The following ATP5F1D variants were observed in gnomAD, a reference collection of about 807,000 sequenced individuals.
The protein encoded by ATP5F1D is ATP synthase F(1) complex subunit delta, mitochondrial.
In ATP5F1D, 16 loss-of-function variants were observed where a neutral mutation model predicts 13.0. The ratio of observed to expected loss-of-function variants is 1.23; its 90% CI spans 0.83 to 1.87. The LOEUF is 1.87. ATP5F1D is among the 40% of genes most tolerant of loss of function. The pLI is 0.00. For missense variants in ATP5F1D, 294 were observed against 246.2 expected, an observed-to-expected ratio of 1.19 and a Z score of -1.30; for synonymous variants, 129 against 116.2, an observed-to-expected ratio of 1.11 and a Z score of -0.71.
chr19:1,244,382 C>A lies in ATP5F1D; in HGVS notation c.452C>A (p.Ala151Glu), dbSNP rs200485963. 2 of 1,575,776 alleles carry A rather than the reference C, an allele frequency of 1.3e-6. No homozygotes were observed. The highest frequency in any genetic ancestry group is 1.7e-6 in the Non-Finnish European group (2 of 1,160,872). The part of the protein sequence containing the change: ...LVGTADEATR[A>E]EIQIRIEANE... ...GGGACAGCTGACGAGGCCACGCGGG[C>A]AGAGATCCAGATCCGAATCGAGGCC... is the stretch of plus-strand genomic sequence containing the variant. Residue 151 changes from alanine to glutamate, a missense_variant, in exon 4 of 4, where the codon GCA (alanine) becomes GAA (glutamate). By Grantham distance (107) the Ala-to-Glu change is moderately radical. Transcript: ENST00000215375.
chr19:1,244,156 G>T lies in ATP5F1D; in HGVS notation c.355G>T (p.Ala119Ser), dbSNP rs200123308. Residue 119 changes from alanine to serine, a missense_variant, in exon 3 of 4, where the codon GCC becomes TCC. By Grantham distance (99) the Ala-to-Ser change is moderately conservative. Transcript: ENST00000215375. Reference sequence around the variant, plus strand: ...TTCGGTGCAGTTGTTGGCCGAAGAGGCCGTGACGCTGGACATGTTGGACCT... The same window carrying T: ...TTCGGTGCAGTTGTTGGCCGAAGAGTCCGTGACGCTGGACATGTTGGACCT... ...DSSVQLLAEEAVTLDMLDLGA... is the reference protein window; with the variant it reads ...DSSVQLLAEESVTLDMLDLGA... The T allele has an allele frequency of 6.2e-7, 1 of 1,612,406 alleles. No individual in the cohort carries two copies. Among genetic ancestry groups the T allele is most frequent in the Non-Finnish European group, 8.5e-7 (1 of 1,179,416 alleles).
chr19:1,244,041 C>T, intron 2 of ATP5F1D, 56 bp from the exon 3 acceptor site: 1 of 1,540,182 alleles, frequency 6.5e-7, no homozygotes, highest in Non-Finnish European at 8.8e-7. Flanking sequence ...AGGGGAGTCC[C>T]TGAGGCTGTG....
chr19:1,244,115 C>G lies in ATP5F1D; in HGVS notation c.314C>G (p.Ala105Gly). The G allele has an allele frequency of 6.2e-7, 1 of 1,611,546 alleles. No individual in the cohort carries two copies. The highest frequency in any genetic ancestry group is 1.1e-5 in the South Asian group (1 of 90,672). Residue 105 changes from alanine (A) to glycine (G), a missense_variant, in exon 3 of 4, where the codon GCA becomes GGA. Transcript: ENST00000215375. ...SKYFVSSGSI[A>G]VNADSSVQLL... is the part of the protein sequence containing the mutation. ...CCCCCAGTGAGCAGCGGTTCCATCG[C>G]AGTGAACGCCGACTCTTCGGTGCAG... is the stretch of plus-strand genomic sequence containing the variant.
Position 1,241,942 on chromosome 19 carries a change from C to A in ATP5F1D, c.92C>A (p.Ala31Asp). ...GCCGAGGCCGCCGCCGCCCCGGCTG[C>A]CGCCTCTGGCCCCAACCAGATGTCC... Reference protein sequence around the residue: ...AYAEAAAAPAAASGPNQMSFT... With the variant: ...AYAEAAAAPADASGPNQMSFT... The change falls in exon 1 of 4, where the codon GCC becomes GAC. Residue 31 changes from alanine to aspartate, a missense_variant. By Grantham distance (126) the Ala-to-Asp change is moderately radical. Coordinates refer to ENST00000215375, the MANE Select transcript of ATP5F1D (RefSeq NM_001687.5). 6.7e-7 allele frequency: 1 copy of A among 1,497,072 alleles called. No homozygotes were observed. The highest frequency in any genetic ancestry group is 1.8e-4 in the Middle Eastern group (1 of 5,558). The allele number at this position is 1,497,072 out of a possible 1,614,324, so 92.7% of individuals were successfully genotyped here.
At chr19:1,242,250 T>C (rs1385569445) in intron 1 of ATP5F1D, 3 of 771,934 alleles carry the variant, frequency 3.9e-6, no homozygotes, top group Non-Finnish European at 3.7e-6. Flanking sequence ...CGCCGGATCG[T>C]TGCATTCCCA....
In ATP5F1D at chr19:1,244,313, A is replaced by T. The variant is rs113244457; in HGVS notation, c.385-2A>T. 6.3e-7 allele frequency: 1 copy of T among 1,592,176 alleles called. No individual in the cohort carries two copies. Among genetic ancestry groups the T allele is most frequent in the Non-Finnish European group, 8.5e-7 (1 of 1,169,898 alleles). ...CCCTCACCGCCCCTCAACCCCTTGCAGGCAGCCAAGGCAAACTTGGAGAAG... is the reference window on the plus strand; with the variant it reads ...CCCTCACCGCCCCTCAACCCCTTGCTGGCAGCCAAGGCAAACTTGGAGAAG... On this transcript the variant is annotated splice_acceptor_variant, in intron 3 of 3. Transcript: ENST00000215375. LOFTEE classifies it high-confidence loss of function.
chr19:1,243,911 C>G (rs1599961150), intron 2 of ATP5F1D, 186 bp from the exon 3 acceptor site: 1 of 620,652 alleles, frequency 1.6e-6, no homozygotes, highest in Non-Finnish European at 2.8e-6. Flanking sequence ...TTTTGTTCTT[C>G]TCTAGCAGTT....
chr19:1,242,074 T>C, intron 1 of ATP5F1D, 83 bp downstream of exon 1: 1 of 1,272,654 alleles, frequency 7.9e-7, no homozygotes, highest in Non-Finnish European at 9.9e-7. Flanking sequence ...GACCCCCGCT[T>C]CCGGGCCCCC....
Position 1,242,560 on chromosome 19 carries a change from G to C in ATP5F1D, c.246G>C (p.Pro82=). The change falls in exon 2 of 4, where the codon CCG becomes CCC. Residue 82 remains proline (P), a synonymous_variant. Transcript: ENST00000215375. ...TGCCCACGCTGCAGGTCCTGCGGCC[G>C]GGGCTGGTCGTGGTGCATGCAGAGG... ...AHVPTLQVLR[P]GLVVVHAEDG... The C allele has an allele frequency of 7.1e-6, 11 of 1,545,394 alleles. No individual in the cohort carries two copies. The highest frequency in any genetic ancestry group is 8.7e-6 in the Non-Finnish European group (10 of 1,143,998).
At chr19:1,242,298 A>G in intron 1 of ATP5F1D, 158 bp from the exon 2 acceptor site, 1 of 949,108 alleles carries the variant, frequency 1.1e-6, no homozygotes, top group Non-Finnish European at 1.4e-6. Flanking sequence ...ACTGTTGAGG[A>G]CCAAAGCTGC....
rs1288399361 is a variant in ATP5F1D at position 1,243,112 on chromosome 19, G to C, written c.295+503G>C. 9.8e-5 allele frequency: 15 copies of C among 152,990 alleles called. 1 individual carries two copies. Among genetic ancestry groups the C allele is most frequent in the Admixed American group, 9.2e-4 (14 of 15,290 alleles). The allele number at this position is 152,990 out of a possible 1,614,324, so 9.5% of individuals were successfully genotyped here. On this transcript the variant is annotated intron_variant, in intron 2 of 3. Coordinates refer to ENST00000215375, the MANE Select transcript of ATP5F1D (RefSeq NM_001687.5). The stretch of plus-strand genomic sequence containing the variant: ...AGAAAAATACAGTTTTAGCAGGTTT[G>C]TCCACTGAGGAGCCTGGGCTGGCCG...
Position 1,242,348 on chromosome 19 carries a change from A to T in ATP5F1D, c.142-108A>T, listed in dbSNP as rs1437202329. On this transcript the variant is annotated intron_variant, in intron 1 of 3. Coordinates refer to ENST00000215375, the MANE Select transcript of ATP5F1D (RefSeq NM_001687.5). The stretch of plus-strand genomic sequence containing the variant: ...GCGCTGGGTTGTCTCAGTGCCTCAC[A>T]TCAGCGCCAGGTCCTGCCCTGACCC... 7.7e-6 allele frequency: 10 copies of T among 1,301,840 alleles called. No homozygotes were observed. In the Admixed American group the frequency reaches 1.8e-4, roughly 24 times the overall value. The allele number at this position is 1,301,840 out of a possible 1,614,324, so 80.6% of individuals were successfully genotyped here.
At chr19:1,243,646 G>A (rs552807694) in intron 2 of ATP5F1D, among the ~76,000 whole-genome samples, 10 of 152,176 alleles carry the variant, frequency 6.6e-5, no homozygotes, top group African/African-American at 2.4e-4. Flanking sequence ...ACAAGAGTGA[G>A]ACCCTGTGCC....
chr19:1,244,623 C>A lies in ATP5F1D; in HGVS notation c.*186C>A. ...TGTGTTGAAAGCTCTGGGGACTGGG[C>A]CAGGGAAGCTCCTCCTCAGCTTTGA... is the stretch of plus-strand genomic sequence containing the variant. On this transcript the variant is annotated 3_prime_UTR_variant, in exon 4 of 4. Transcript: ENST00000215375. The A allele has an allele frequency of 6.4e-6, 6 of 931,446 alleles. No homozygotes were observed. The highest frequency in any genetic ancestry group is 6.3e-6 in the Non-Finnish European group (4 of 635,680). 57.7% of individuals were successfully genotyped at this position (931,446 alleles called of 1,614,324 possible). A position where few individuals can be genotyped will look rare whatever the true frequency, so the allele number is the denominator to read the frequency against.
At chr19:1,243,611 A>G (rs981746229) in intron 2 of ATP5F1D, among the ~76,000 whole-genome samples, 3 of 152,168 alleles carry the variant, frequency 2.0e-5, no homozygotes, top group East Asian at 1.9e-4. Context: ...AGCCAAGATC[A>G]TGCCACTGCA....
Position 1,244,135 on chromosome 19 carries a change from G to A in ATP5F1D, c.334G>A (p.Val112Met), listed in dbSNP as rs762249467. 2 of 1,612,376 alleles carry A rather than the reference G, an allele frequency of 1.2e-6. No individual in the cohort carries two copies. The highest frequency in any genetic ancestry group is 1.7e-6 in the Non-Finnish European group (2 of 1,179,456). ...CATCGCAGTGAACGCCGACTCTTCG[G>A]TGCAGTTGTTGGCCGAAGAGGCCGT... ...GSIAVNADSS[V>M]QLLAEEAVTL... The change falls in exon 3 of 4, where the codon GTG (valine) becomes ATG (methionine). Residue 112 changes from valine to methionine, a missense_variant. Transcript: ENST00000215375.
Position 1,241,921 on chromosome 19 carries a change from A to AGGC in ATP5F1D, c.72_74dup (p.Ala28dup), listed in dbSNP as rs1197793046. 6.7e-7 allele frequency: 1 copy of AGGC among 1,494,540 alleles called. No homozygotes were observed. The highest frequency in any genetic ancestry group is 8.9e-7 in the Non-Finnish European group (1 of 1,125,140). 92.6% of individuals were successfully genotyped at this position (1,494,540 alleles called of 1,614,324 possible). A position where few individuals can be genotyped will look rare whatever the true frequency, so the allele number is the denominator to read the frequency against. On this transcript the variant is annotated inframe_insertion, in exon 1 of 4. Transcript: ENST00000215375. ...GTCCGCCACGCCCGTGCCTATGCCG[A>AGGC]GGCCGCCGCCGCCCCGGCTGCCGCC...
At chr19:1,242,110 G>T (rs865818736) in intron 1 of ATP5F1D, 119 bp downstream of exon 1, 1 of 1,211,382 alleles carries the variant, frequency 8.3e-7, no homozygotes, top group Middle Eastern at 3.0e-4. Context: ...GGAAGCCGAG[G>T]CTACTCAGCC....
At position 1,242,543 on chromosome 19, in the gene ATP5F1D, C is replaced by T. The variant is rs772989030; in HGVS notation, c.229C>T (p.Leu77=). 6.5e-7 allele frequency: 1 copy of T among 1,547,494 alleles called. No homozygotes were observed. Residue 77 remains leucine, a synonymous_variant, in exon 2 of 4, where the codon CTG becomes TTG. Coordinates refer to ENST00000215375, the MANE Select transcript of ATP5F1D (RefSeq NM_001687.5). ...FGILAAHVPT[L]QVLRPGLVVV... Reference sequence around the variant, plus strand: ...CATCCTGGCGGCCCACGTGCCCACGCTGCAGGTCCTGCGGCCGGGGCTGGT... The same window carrying T: ...CATCCTGGCGGCCCACGTGCCCACGTTGCAGGTCCTGCGGCCGGGGCTGGT...
Sources: allele counts gnomAD v4.1 joint callset (sites outside exome capture counted in the v4.1 genomes callset), GRCh38; gene constraint gnomAD v4.1.1; transcripts MANE v1.5; gene names NCBI Gene and HGNC (gene_info 2026-07-23, HGNC 2026-07-21).